The following PDE4D variants were observed in gnomAD, a reference collection of about 807,000 sequenced individuals.
The protein encoded by PDE4D is phosphodiesterase 4D.
PDE4D carries 24 observed loss-of-function variants against 87.4 expected under a neutral mutation model. That is an observed-to-expected ratio of 0.27 (90% confidence interval 0.20 to 0.39). The LOEUF (loss-of-function observed/expected upper bound fraction) is 0.39. PDE4D is among the 10% of genes least tolerant of loss of function. The pLI is 1.00. For missense variants in PDE4D, 714 were observed against 1,041.0 expected (o/e 0.69, Z 4.32); for synonymous variants, 384 against 383.2 (o/e 1.00, Z -0.02).
chr5:59,194,762 T>G (rs554612771), intron 2 of PDE4D, among the ~76,000 whole-genome samples: 152 of 152,274 alleles, frequency 1.0e-3, no homozygotes, highest in Middle Eastern at 3.4e-3. Context: ...TTATGATCAT[T>G]TTATAGAAGA....
intron 3 of PDE4D, among the ~76,000 whole-genome samples, chr5:59,920,460 A>G (rs1297875537): frequency 1.3e-5 from 2 of 152,152 alleles, no homozygotes; most frequent in South Asian, 4.1e-4. Context: ...TTATATTTGC[A>G]GCTAAAAATA....
intron 1 of PDE4D, among the ~76,000 whole-genome samples, chr5:59,382,683 G>A (rs1786130885): frequency 6.6e-6 from 1 of 151,990 alleles, no homozygotes; most frequent in Non-Finnish European, 1.5e-5. Context: ...ACAATTCCCT[G>A]GACCCAGGAA....
chr5:59,525,676 G>T (rs1812981784), intron 1 of PDE4D, among the ~76,000 whole-genome samples: 1 of 152,192 alleles, frequency 6.6e-6, no homozygotes, highest in South Asian at 2.1e-4. Flanking sequence ...ATCTCGAATT[G>T]TAATCCAAAT....
chr5:60,339,081 G>A (rs1758074919), intron 1 of PDE4D, among the ~76,000 whole-genome samples: 1 of 152,148 alleles, frequency 6.6e-6, no homozygotes, highest in African/African-American at 2.4e-5. Flanking sequence ...AGATCAAGGT[G>A]CAACAGCAAA....
intron 1 of PDE4D, among the ~76,000 whole-genome samples, chr5:59,654,987 TG>T (rs1476058981): frequency 2.6e-5 from 4 of 152,170 alleles, no homozygotes; most frequent in Admixed American, 2.0e-4. Context: ...TTCCACTTTT[TG>T]GCTATTAAGA....
chr5:59,916,631 C>T (rs72753206), intron 3 of PDE4D, among the ~76,000 whole-genome samples: 3,330 of 152,250 alleles, frequency 0.022, 48 homozygotes, highest in Admixed American at 0.039. Context: ...CATTTAATCA[C>T]ATTGTTGTTT....
chr5:59,179,411 A>T lies in PDE4D; in HGVS notation c.808+1184T>A, dbSNP rs539943025. On this transcript the variant is annotated intron_variant, in intron 5 of 14. Coordinates refer to ENST00000340635, the MANE Select transcript of PDE4D (RefSeq NM_001104631.2). The stretch of plus-strand genomic sequence containing the variant: ...GCCACCACTCCTGGCCCTATTGTTC[A>T]TCTCTTGATCAATATCAAGAACAAA... 2.8e-4 allele frequency among the ~76,000 whole-genome samples: 42 copies of T among 152,274 alleles called. No individual in the cohort carries two copies. In the South Asian group the frequency reaches 3.9e-3, roughly 14 times the overall value.
At chr5:59,452,253 C>A (rs1332305177) in intron 1 of PDE4D, among the ~76,000 whole-genome samples, 1 of 152,148 alleles carries the variant, frequency 6.6e-6, no homozygotes, top group Non-Finnish European at 1.5e-5. Context: ...TCTCAGTAAA[C>A]CTTCATTGAC....
At chr5:59,746,116 T>G (rs1018342335) in intron 1 of PDE4D, among the ~76,000 whole-genome samples, 5 of 152,186 alleles carry the variant, frequency 3.3e-5, no homozygotes, top group African/African-American at 1.2e-4. Context: ...TATTTTTCAG[T>G]TCTTCAATAT....
chr5:59,873,807 C>T (rs1013437032), intron 1 of PDE4D, among the ~76,000 whole-genome samples: 1 of 152,154 alleles, frequency 6.6e-6, no homozygotes, highest in Non-Finnish European at 1.5e-5. Context: ...GCCAATACTT[C>T]CATTCTAACC....
At chr5:59,036,862 G>A (rs1321420194) in intron 6 of PDE4D, among the ~76,000 whole-genome samples, 4 of 152,084 alleles carry the variant, frequency 2.6e-5, no homozygotes, top group African/African-American at 9.7e-5. Context: ...TCAGCCACAA[G>A]ACATAAACAT....
chr5:60,268,296 T>C (rs1335653800), intron 1 of PDE4D, among the ~76,000 whole-genome samples: 3 of 152,252 alleles, frequency 2.0e-5, no homozygotes, highest in Non-Finnish European at 2.9e-5. Flanking sequence ...AATTCAGTAA[T>C]GGGAGGCGCA....
chr5:59,398,957 A>G (rs1464518838), intron 1 of PDE4D, among the ~76,000 whole-genome samples: 2 of 118,732 alleles, frequency 1.7e-5, no homozygotes, highest in Non-Finnish European at 3.5e-5. Context: ...AGAGAGCCAA[A>G]TCATGAGTGA....
Position 59,328,932 on chromosome 5 carries a change from G to C in PDE4D, c.456-112964C>G, listed in dbSNP as rs140841152. Among the ~76,000 whole-genome samples the C allele has an allele frequency of 3.0e-3, 454 of 152,310 alleles. 4 individuals are homozygous for C. The highest frequency in any genetic ancestry group is 0.011 in the African/African-American group (437 of 41,564). On this transcript the variant is annotated intron_variant, in intron 1 of 14. Transcript: ENST00000340635. Reference sequence around the variant, plus strand: ...TCTGAGCCAACTGCAAGCCTGGAAGGGTCCAGAAAAGCGACTCATCTGCTC... The same window carrying C: ...TCTGAGCCAACTGCAAGCCTGGAAGCGTCCAGAAAAGCGACTCATCTGCTC...
intron 1 of PDE4D, among the ~76,000 whole-genome samples, chr5:60,210,761 T>TTTTTTC (rs1743106041): frequency 6.6e-6 from 1 of 151,882 alleles, no homozygotes; most frequent in Admixed American, 6.5e-5. Flanking sequence ...CTAATTTTTT[T>TTTTTTC]TTTTTTTTCA....
chr5:59,649,904 CCTTTTTTTTTTTTTTT>C (rs1353929735), intron 1 of PDE4D, among the ~76,000 whole-genome samples: 1 of 73,960 alleles, frequency 1.4e-5, no homozygotes, highest in Non-Finnish European at 2.5e-5. Context: ...AGTTTGTGAA[CCTTTTTTTTTTTTTTT>C]TTTTTTTTTT....
chr5:60,223,303 T>A (rs1230643802), intron 1 of PDE4D, among the ~76,000 whole-genome samples: 1 of 152,114 alleles, frequency 6.6e-6, no homozygotes, highest in Non-Finnish European at 1.5e-5. Context: ...AACATACCTA[T>A]CGATTAAGTT....
intron 5 of PDE4D, among the ~76,000 whole-genome samples, chr5:59,046,340 G>A (rs1299633478): frequency 6.6e-6 from 1 of 152,132 alleles, no homozygotes; most frequent in Non-Finnish European, 1.5e-5. Context: ...GCATGTGTGT[G>A]TGTGTAAGAG....
intron 3 of PDE4D, among the ~76,000 whole-genome samples, chr5:59,984,596 G>A (rs1384451320): frequency 6.6e-6 from 1 of 152,160 alleles, no homozygotes; most frequent in Non-Finnish European, 1.5e-5. Flanking sequence ...AAAAGTCAAA[G>A]TAGAAATATG....
Sources: allele counts gnomAD v4.1 joint callset (sites outside exome capture counted in the v4.1 genomes callset), GRCh38; gene constraint gnomAD v4.1.1; transcripts MANE v1.5; gene names NCBI Gene and HGNC (gene_info 2026-07-23, HGNC 2026-07-21).